Variants in STXBP5 observed in about 807,000 individuals in gnomAD.
STXBP5 encodes the protein syntaxin-binding protein 5.
In STXBP5, 50 loss-of-function variants were observed where a neutral mutation model predicts 152.4. The ratio of observed to expected loss-of-function variants is 0.33; its 90% CI spans 0.26 to 0.42. STXBP5 has a LOEUF of 0.42. Among genes scored for constraint, STXBP5 ranks in the 10% least tolerant of loss-of-function variants. STXBP5 has a pLI of 1.00. For missense variants in STXBP5, 1,167 were observed against 1,388.6 expected (o/e 0.84, Z 2.54); for synonymous variants, 492 against 494.7 (o/e 0.99, Z 0.07).
intron 18 of STXBP5, among the ~76,000 whole-genome samples, chr6:147,327,848 T>C (rs1783347345): frequency 6.6e-6 from 1 of 152,194 alleles, no homozygotes; most frequent in Admixed American, 6.5e-5. Context: ...ATAATTATTA[T>C]ATAAAAAAAG....
chr6:147,367,700 A>T (rs1181048176), intron 25 of STXBP5, among the ~76,000 whole-genome samples: 2 of 152,122 alleles, frequency 1.3e-5, no homozygotes, highest in Non-Finnish European at 2.9e-5. Flanking sequence ...CAAGAAAAAA[A>T]ATAATAAACA....
chr6:147,366,126 G>C (rs991309541), intron 25 of STXBP5, among the ~76,000 whole-genome samples: 6 of 152,322 alleles, frequency 3.9e-5, no homozygotes, highest in African/African-American at 1.4e-4. Flanking sequence ...AGGAACAAGA[G>C]TTTGGGGACA....
At chr6:147,277,930 A>G (rs1280618202) in intron 7 of STXBP5, 151 bp from the exon 8 acceptor site, 1 of 622,228 alleles carries the variant, frequency 1.6e-6, no homozygotes. Context: ...TTGTATTACA[A>G]GAGGGCCAAA....
chr6:147,233,836 A>C (rs576562871), intron 2 of STXBP5, among the ~76,000 whole-genome samples: 116 of 150,470 alleles, frequency 7.7e-4, no homozygotes, highest in Non-Finnish European at 1.4e-3. Context: ...TACTCCTACT[A>C]CTACTACTAC....
At chr6:147,346,081 G>A (rs1040635820) in intron 21 of STXBP5, among the ~76,000 whole-genome samples, 1 of 152,168 alleles carries the variant, frequency 6.6e-6, no homozygotes, top group African/African-American at 2.4e-5. Context: ...CAGAAACAAT[G>A]TGTCTTTCAA....
intron 2 of STXBP5, among the ~76,000 whole-genome samples, chr6:147,208,421 C>G (rs1776680792): frequency 6.6e-6 from 1 of 152,014 alleles, no homozygotes; most frequent in Non-Finnish European, 1.5e-5. Context: ...GTGTCTCTTT[C>G]TTTGTTATTT....
chr6:147,290,817 T>C (rs115739572), intron 8 of STXBP5, among the ~76,000 whole-genome samples: 1,753 of 152,330 alleles, frequency 0.012, 44 homozygotes, highest in African/African-American at 0.04. Flanking sequence ...ATTAAGAACA[T>C]TGGAAAAACT....
At chr6:147,339,687 G>A (rs1784002856) in intron 21 of STXBP5, among the ~76,000 whole-genome samples, 4 of 151,806 alleles carry the variant, frequency 2.6e-5, no homozygotes, top group South Asian at 4.2e-4. Flanking sequence ...TTTATACTCC[G>A]AAGTTTTGAA....
At position 147,307,432 on chromosome 6, in the gene STXBP5, G is replaced by A. The variant is rs1782150612; in HGVS notation, c.918-2652G>A. On this transcript the variant is annotated intron_variant, in intron 9 of 27. Coordinates refer to ENST00000321680, the MANE Select transcript of STXBP5 (RefSeq NM_001127715.4). ...TAATTCATGTTACCTAGAAATAGTT[G>A]AGATCCCTGGAACTTTTAATACAAT... 2.0e-5 allele frequency among the ~76,000 whole-genome samples: 3 copies of A among 152,054 alleles called. No individual in the cohort carries two copies. In the South Asian group the frequency reaches 6.2e-4, roughly 32 times the overall value.
intron 14 of STXBP5, 52 bp from the exon 15 acceptor site, chr6:147,315,463 A>T (rs1582932130): frequency 3.2e-6 from 4 of 1,248,240 alleles, no homozygotes; most frequent in East Asian, 5.1e-5. Context: ...ATGTTACCTT[A>T]TGTTTGATCA....
At chr6:147,268,417 A>G (rs572227910) in intron 7 of STXBP5, among the ~76,000 whole-genome samples, 7 of 152,278 alleles carry the variant, frequency 4.6e-5, no homozygotes, top group African/African-American at 1.7e-4. Flanking sequence ...AGTCATAATC[A>G]TATTGGTATG....
chr6:147,219,799 GTTTT>G (rs35444906), intron 2 of STXBP5, among the ~76,000 whole-genome samples: 1 of 86,104 alleles, frequency 1.2e-5, no homozygotes, highest in African/African-American at 4.5e-5. Flanking sequence ...CTAGAAGCTT[GTTTT>G]TTTTTTTTTT....
intron 16 of STXBP5, among the ~76,000 whole-genome samples, chr6:147,323,700 T>G (rs1360139007): frequency 6.6e-6 from 1 of 152,130 alleles, no homozygotes; most frequent in Non-Finnish European, 1.5e-5. Context: ...CCTGTCTTAA[T>G]TCTTTAATAA....
intron 23 of STXBP5, 83 bp downstream of exon 23, chr6:147,359,406 A>G (rs1784961768): frequency 2.7e-6 from 4 of 1,494,328 alleles, no homozygotes; most frequent in Non-Finnish European, 3.6e-6. Flanking sequence ...TCTTGAATTG[A>G]TCTAAGAATT....
At chr6:147,321,513 A>G (rs189966186) in intron 16 of STXBP5, among the ~76,000 whole-genome samples, 88 of 152,270 alleles carry the variant, frequency 5.8e-4, no homozygotes, top group Middle Eastern at 6.8e-3. Flanking sequence ...GTTCAAGGTC[A>G]CAGTGAGCTA....
Position 147,382,771 on chromosome 6 carries a change from T to G in STXBP5, c.3194-7T>G, listed in dbSNP as rs753626161. 2.5e-6 allele frequency: 4 copies of G among 1,612,674 alleles called. No individual in the cohort carries two copies. On this transcript the variant is annotated splice_polypyrimidine_tract_variant and splice_region_variant and intron_variant, in intron 26 of 27. Transcript: ENST00000321680. Reference sequence around the variant, plus strand: ...GAGTTACTCTTTGATTTATCAAATGTGTTCAGTTGGAGAATCGTCCTCAGG... The same window carrying G: ...GAGTTACTCTTTGATTTATCAAATGGGTTCAGTTGGAGAATCGTCCTCAGG...
rs567772539 is a variant in STXBP5, at chr6:147,311,318, A to G, written c.1073-137A>G. ...ATAAAACTTACTAGCCTTAAATAAC[A>G]TGCATGAAGTATCATAGGATCAGAA... On this transcript the variant is annotated intron_variant, in intron 10 of 27. Transcript: ENST00000321680. The G allele has an allele frequency of 1.6e-4, 114 of 707,812 alleles. 1 individual carries two copies. The South Asian group carries it at 1.9e-3, about 12-fold the overall frequency. 43.8% of individuals were successfully genotyped at this position (707,812 alleles called of 1,614,324 possible). A position where few individuals can be genotyped will look rare whatever the true frequency, so the allele number is the denominator to read the frequency against.
chr6:147,216,041 A>G (rs1346518071), intron 2 of STXBP5, among the ~76,000 whole-genome samples: 1 of 152,188 alleles, frequency 6.6e-6, no homozygotes, highest in African/African-American at 2.4e-5. Flanking sequence ...TTGATGTTAC[A>G]GATGTTTGTC....
At chr6:147,343,541 G>C (rs1333361060) in intron 21 of STXBP5, among the ~76,000 whole-genome samples, 1 of 152,096 alleles carries the variant, frequency 6.6e-6, no homozygotes, top group Non-Finnish European at 1.5e-5. Flanking sequence ...ATGCCCCATG[G>C]TAGTGACTTA....
Sources: allele counts gnomAD v4.1 joint callset (sites outside exome capture counted in the v4.1 genomes callset), GRCh38; gene constraint gnomAD v4.1.1; transcripts MANE v1.5; gene names NCBI Gene and HGNC (gene_info 2026-07-23, HGNC 2026-07-21).